Variants in TTC27 observed in about 807,000 individuals in gnomAD.
TTC27 encodes tetratricopeptide repeat protein 27.
TTC27 carries 79 observed loss-of-function variants against 115.9 expected under a neutral mutation model. The observed-to-expected ratio is 0.68, with a 90% CI of 0.57 to 0.82. TTC27 has a LOEUF of 0.82. TTC27 is among the 40% of genes least tolerant of loss of function. The pLI, the probability that TTC27 is intolerant of heterozygous loss-of-function variation, is 0.00. For synonymous variants in TTC27, 401 were observed against 356.0 expected (o/e 1.13, Z -1.42); for missense variants, 1,054 against 993.1 (o/e 1.06, Z -0.82).
At chr2:32,766,141 C>T (rs917321203) in intron 13 of TTC27, among the ~76,000 whole-genome samples, 3 of 152,184 alleles carry the variant, frequency 2.0e-5, no homozygotes, top group Admixed American at 6.5e-5. Flanking sequence ...GCCTTTCTCA[C>T]TAAACTTAAT....
Position 32,664,362 on chromosome 2 carries a change from C to T in TTC27, c.700C>T (p.His234Tyr), listed in dbSNP as rs760457238. The T allele has an allele frequency of 1.2e-5, 20 of 1,611,362 alleles. No homozygotes were observed. In the Admixed American group the frequency reaches 1.8e-4, roughly 15 times the overall value. The change falls in exon 6 of 20, where the codon CAT becomes TAT. Residue 234 changes from histidine to tyrosine, a missense_variant. By Grantham distance (83) the His-to-Tyr change is moderately conservative (BLOSUM62 2). Coordinates refer to ENST00000317907, the MANE Select transcript of TTC27 (RefSeq NM_017735.5). Reference sequence around the variant, plus strand: ...AGGTCGATATTTGGCTATTCAATTCCATCTGGAATGTGCATATGTGTTTTT... The same window carrying T: ...AGGTCGATATTTGGCTATTCAATTCTATCTGGAATGTGCATATGTGTTTTT... ...DSGRYLAIQF[H>Y]LECAYVFLYY...
At chr2:32,798,127 C>T (rs909727017) in intron 16 of TTC27, among the ~76,000 whole-genome samples, 107 of 150,818 alleles carry the variant, frequency 7.1e-4, no homozygotes, top group Non-Finnish European at 1.4e-3. Flanking sequence ...AGAAAATAGG[C>T]CAGGCGCGGT....
intron 5 of TTC27, among the ~76,000 whole-genome samples, chr2:32,655,636 A>G (rs779804782): frequency 1.3e-5 from 2 of 152,120 alleles, no homozygotes; most frequent in African/African-American, 2.4e-5. Flanking sequence ...GGAAGTTTGC[A>G]TCTAAAAAAT....
At chr2:32,785,626 C>T (rs539203031) in intron 15 of TTC27, among the ~76,000 whole-genome samples, 8 of 152,260 alleles carry the variant, frequency 5.3e-5, no homozygotes, top group Admixed American at 2.0e-4. Flanking sequence ...GACAGAGTCT[C>T]GCTCTGTTGC....
At chr2:32,772,327 G>T (rs1669855946) in intron 13 of TTC27, among the ~76,000 whole-genome samples, 1 of 152,084 alleles carries the variant, frequency 6.6e-6, no homozygotes, top group African/African-American at 2.4e-5. Context: ...GATCTCTTTT[G>T]AACTGATTTC....
At position 32,811,111 on chromosome 2, in the gene TTC27, G is replaced by T; in HGVS notation, c.2086G>T (p.Glu696Ter). ...AACTGGCCTCAAAGGAAAGCTGCAG[G>T]AGTTATTTGGCAGAGTGACTTCAAG... is the stretch of plus-strand genomic sequence containing the variant. ...VATGLKGKLQ[E>*]LFGRVTSRVT... is the part of the protein sequence containing the mutation. The change falls in exon 17 of 20, where the codon GAG (glutamate) becomes TAG (stop). Residue 696 changes from glutamate to a stop codon, truncating the protein, a stop_gained. Transcript: ENST00000317907. LOFTEE classifies it high-confidence loss of function. 6.2e-7 allele frequency: 1 copy of T among 1,614,200 alleles called. No individual in the cohort carries two copies. The highest frequency in any genetic ancestry group is 8.5e-7 in the Non-Finnish European group (1 of 1,180,032).
At chr2:32,662,772 C>G (rs1665600714) in intron 5 of TTC27, among the ~76,000 whole-genome samples, 1 of 151,930 alleles carries the variant, frequency 6.6e-6, no homozygotes, top group Non-Finnish European at 1.5e-5. Flanking sequence ...GTGTCTCTAT[C>G]TCCTTCAGTT....
chr2:32,654,222 C>T (rs1010100435), intron 5 of TTC27, among the ~76,000 whole-genome samples: 2 of 152,194 alleles, frequency 1.3e-5, no homozygotes, highest in African/African-American at 4.8e-5. Flanking sequence ...TTTTTGCAAG[C>T]TGGTCAGTAA....
intron 9 of TTC27, among the ~76,000 whole-genome samples, chr2:32,695,458 C>T (rs559206042): frequency 2.0e-4 from 30 of 151,984 alleles, no homozygotes; most frequent in East Asian, 3.9e-4. Flanking sequence ...CGGTGGCTCA[C>T]GCCTGTAATC....
In TTC27 at chr2:32,633,759, G is replaced by T. The variant is rs1292687335; in HGVS notation, c.267-117G>T. ...TTTTTTTTGGTAATACTCTAGGATA[G>T]TCTCAATAAATGTTGATAGATATTA... On this transcript the variant is annotated intron_variant, in intron 2 of 19. Coordinates refer to ENST00000317907, the MANE Select transcript of TTC27 (RefSeq NM_017735.5). 4.9e-6 allele frequency: 6 copies of T among 1,214,416 alleles called. No homozygotes were observed. The African/African-American group carries it at 6.1e-5, about 12-fold the overall frequency. The allele number at this position is 1,214,416 out of a possible 1,614,324, so 75.2% of individuals were successfully genotyped here.
chr2:32,724,501 A>G (rs747311556), intron 10 of TTC27, among the ~76,000 whole-genome samples: 5 of 151,988 alleles, frequency 3.3e-5, no homozygotes, highest in Non-Finnish European at 5.9e-5. Flanking sequence ...TTTTTTTTTA[A>G]GACAGTTGTG....
At chr2:32,741,649 T>TA (rs565053149) in intron 12 of TTC27, among the ~76,000 whole-genome samples, 4 of 104,688 alleles carry the variant, frequency 3.8e-5, no homozygotes, top group Non-Finnish European at 6.0e-5. Flanking sequence ...GAGAATCCAA[T>TA]AAAAAAAACA....
intron 18 of TTC27, among the ~76,000 whole-genome samples, chr2:32,815,223 A>ATTTTTTTTGTTTTTTTT (rs1671459369): frequency 1.8e-5 from 1 of 55,498 alleles, no homozygotes; most frequent in African/African-American, 9.3e-5. Context: ...GCTGCTTCAG[A>ATTTTTTTTGTTTTTTTT]TTTTTTTTTT....
intron 8 of TTC27, among the ~76,000 whole-genome samples, chr2:32,674,672 T>G (rs929023853): frequency 6.6e-6 from 1 of 151,746 alleles, no homozygotes; most frequent in African/African-American, 2.4e-5. Context: ...TTTTTTTTTT[T>G]TTTTGAGACA....
chr2:32,702,074 T>C (rs1383837779), intron 9 of TTC27, among the ~76,000 whole-genome samples: 1 of 151,666 alleles, frequency 6.6e-6, no homozygotes, highest in African/African-American at 2.4e-5. Context: ...CATCCTGCTC[T>C]CAGAGATCTG....
At chr2:32,750,800 T>A (rs554357864) in intron 12 of TTC27, among the ~76,000 whole-genome samples, 1 of 152,334 alleles carries the variant, frequency 6.6e-6, no homozygotes, top group South Asian at 2.1e-4. Flanking sequence ...AAATGGATTT[T>A]TGTAAATTCA....
chr2:32,780,286 T>C (rs1393545909), intron 14 of TTC27, among the ~76,000 whole-genome samples: 1 of 152,212 alleles, frequency 6.6e-6, no homozygotes, highest in East Asian at 1.9e-4. Flanking sequence ...TTTTGATCCA[T>C]GAACATGGAA....
At chr2:32,779,994 T>G in intron 14 of TTC27, 2 of 388,676 alleles carry the variant, frequency 5.1e-6, no homozygotes, top group South Asian at 4.0e-5. Flanking sequence ...AATGTAAGGA[T>G]GTATTTATGG....
chr2:32,750,905 T>C (rs1668987288), intron 12 of TTC27, among the ~76,000 whole-genome samples: 1 of 152,184 alleles, frequency 6.6e-6, no homozygotes, highest in African/African-American at 2.4e-5. Context: ...AAATCTTAGT[T>C]TGTGTTTTGT....
Sources: allele counts gnomAD v4.1 joint callset (sites outside exome capture counted in the v4.1 genomes callset), GRCh38; gene constraint gnomAD v4.1.1; transcripts MANE v1.5; gene names NCBI Gene and HGNC (gene_info 2026-07-23, HGNC 2026-07-21).